Variants in SRSF7 observed in about 807,000 individuals in gnomAD.
SRSF7 encodes the protein serine/arginine-rich splicing factor 7.
SRSF7 carries 15 observed loss-of-function variants against 42.2 expected under a neutral mutation model. The ratio of observed to expected loss-of-function variants is 0.36; its 90% CI spans 0.24 to 0.55. The LOEUF (loss-of-function observed/expected upper bound fraction) is 0.55. Among genes scored for constraint, SRSF7 ranks in the 20% least tolerant of loss-of-function variants. The probability of loss-of-function intolerance (pLI) is 0.88; values close to 1 mark genes in which losing one functional copy is unlikely to be tolerated. For synonymous variants in SRSF7, 138 were observed against 107.9 expected, an observed-to-expected ratio of 1.28 and a Z score of -1.73; for missense variants, 181 against 305.9, an observed-to-expected ratio of 0.59 and a Z score of 3.04.
rs781184326 is a variant in SRSF7, at chr2:38,746,644, G to A, written c.626+50C>T. 6.2e-6 allele frequency: 10 copies of A among 1,604,442 alleles called. 1 individual carries two copies. Among genetic ancestry groups the A allele is most frequent in the Middle Eastern group, 3.3e-4 (2 of 6,006 alleles). ...CAATTAAAAACACTTTGAACTCTTT[G>A]GATATTGGTGCCATATAACTAGAAA... On this transcript the variant is annotated intron_variant, in intron 6 of 7. Transcript: ENST00000313117.
intron 2 of SRSF7, 38 bp downstream of exon 2, chr2:38,749,976 T>C (rs571934626): frequency 1.8e-5 from 28 of 1,568,856 alleles, no homozygotes; most frequent in Admixed American, 1.5e-4. Flanking sequence ...AGCCACAGTA[T>C]ATTTTAATGA....
At position 38,744,531 on chromosome 2, in the gene SRSF7, G is replaced by T; in HGVS notation, c.*602C>A. On this transcript the variant is annotated 3_prime_UTR_variant, in exon 8 of 8. Coordinates refer to ENST00000313117, the MANE Select transcript of SRSF7 (RefSeq NM_001031684.3). ...ATTTCTCATACATTTAATCAGTTTC[G>T]TTTAGTTCCTGTCATGCTCATTTAG... is the stretch of plus-strand genomic sequence containing the variant. 1 of 152,238 alleles carries T rather than the reference G, an allele frequency of 6.6e-6. No individual in the cohort carries two copies. The highest frequency in any genetic ancestry group is 1.5e-5 in the Non-Finnish European group (1 of 68,026). 9.4% of individuals were successfully genotyped at this position (152,238 alleles called of 1,614,324 possible).
At chr2:38,749,135 A>G in intron 3 of SRSF7, 1 of 1,317,424 alleles carries the variant, frequency 7.6e-7, no homozygotes, top group Non-Finnish European at 1.0e-6. Context: ...TGTAAGCCAA[A>G]TTTACTGTTA....
At position 38,749,694 on chromosome 2, in the gene SRSF7, C is replaced by A; in HGVS notation, c.221G>T (p.Gly74Val). The A allele has an allele frequency of 6.4e-7, 1 of 1,551,256 alleles. No individual in the cohort carries two copies. Among genetic ancestry groups the A allele is most frequent in the Non-Finnish European group, 8.7e-7 (1 of 1,155,446 alleles). The part of the protein sequence containing the change: ...VRGLDGKVIC[G>V]SRVRVELSTG... Reference sequence around the variant, plus strand: ...CGATAGTTCAACCCTCACTCGGGAGCCACAAATCACCCTAATAAAAGCAAA... The same window carrying A: ...CGATAGTTCAACCCTCACTCGGGAGACACAAATCACCCTAATAAAAGCAAA... Residue 74 changes from glycine (G) to valine (V), a missense_variant, in exon 3 of 8, where the codon GGC (glycine) becomes GTC (valine). Transcript: ENST00000313117.
chr2:38,750,755 T>A (rs1297632634), intron 1 of SRSF7: 1 of 162,384 alleles, frequency 6.2e-6, no homozygotes. Context: ...ATTTAACCGA[T>A]TGTTTGACGA....
intron 1 of SRSF7, 52 bp downstream of exon 1, chr2:38,751,177 C>T: frequency 6.2e-7 from 1 of 1,611,178 alleles, no homozygotes; most frequent in South Asian, 1.1e-5. Flanking sequence ...TACGGCCTCG[C>T]AGTGCTCACT....
At position 38,744,806 on chromosome 2, in the gene SRSF7, G is replaced by T; in HGVS notation, c.*327C>A. On this transcript the variant is annotated 3_prime_UTR_variant, in exon 8 of 8. Coordinates refer to ENST00000313117, the MANE Select transcript of SRSF7 (RefSeq NM_001031684.3). ...CAACACCTTTCAATTCTGAATGTAGGTATGTATGAATAAGGTTAACAATTA... is the reference window on the plus strand; with the variant it reads ...CAACACCTTTCAATTCTGAATGTAGTTATGTATGAATAAGGTTAACAATTA... 1 of 243,144 alleles carries T rather than the reference G, an allele frequency of 4.1e-6. No homozygotes were observed. The highest frequency in any genetic ancestry group is 7.9e-6 in the Non-Finnish European group (1 of 126,088). 15.1% of individuals were successfully genotyped at this position (243,144 alleles called of 1,614,324 possible). A position where few individuals can be genotyped will look rare whatever the true frequency, so the allele number is the denominator to read the frequency against.
In SRSF7 at chr2:38,750,212, T is replaced by G. The variant is rs760523736; in HGVS notation, c.29-18A>C. 2.5e-6 allele frequency: 4 copies of G among 1,582,076 alleles called. No individual in the cohort carries two copies. The highest frequency in any genetic ancestry group is 1.2e-5 in the South Asian group (1 of 86,144). ...CTTGGTTTCTGTTTAAAAACGCAAATAGAAGAATGCACGTTACGCAAAATC... is the reference window on the plus strand; with the variant it reads ...CTTGGTTTCTGTTTAAAAACGCAAAGAGAAGAATGCACGTTACGCAAAATC... On this transcript the variant is annotated intron_variant, in intron 1 of 7. Transcript: ENST00000313117.
exon 1 of SRSF7, chr2:38,751,352 GCGGCACTACGAGGAAGAGC>G: frequency 1.3e-6 from 2 of 1,567,804 alleles, no homozygotes; most frequent in Non-Finnish European, 1.8e-6. Flanking sequence ...AAGAGTCCCG[GCGGCACTACGAGGAAGAGC>G]CCGGGTTCGC....
At chr2:38,746,292 C>T in intron 6 of SRSF7, 113 bp from the exon 7 acceptor site, 1 of 1,216,976 alleles carries the variant, frequency 8.2e-7, no homozygotes, top group Non-Finnish European at 1.2e-6. Context: ...TCAGACTGCA[C>T]TTAAACTGAA....
chr2:38,746,123 G>C (rs138473338), intron 7 of SRSF7, 21 bp downstream of exon 7: 1 of 1,613,986 alleles, frequency 6.2e-7, no homozygotes, highest in Non-Finnish European at 8.5e-7. Context: ...GCAAGATTTG[G>C]CAACAAAACA....
Position 38,751,322 on chromosome 2 carries a change from GAC to G in SRSF7, c.-68_-67del. The G allele has an allele frequency of 6.2e-7, 1 of 1,608,878 alleles. No homozygotes were observed. The highest frequency in any genetic ancestry group is 2.2e-5 in the East Asian group (1 of 44,810). On this transcript the variant is annotated 5_prime_UTR_variant, in exon 1 of 8. Transcript: ENST00000313117. ...CCAGGGCTCGAGTGACGCAAAAGCT[GAC>G]ACACACCTTCACCCGCCAAGAGTCC... is the stretch of plus-strand genomic sequence containing the variant.
chr2:38,749,627 G>C lies in SRSF7; in HGVS notation c.288C>G (p.Ala96=). ...PRRSRFDRPP[A]RRPFDPNDRC... ...TATCATTTGGATCAAAGGGACGTCGGGCAGGTGGTCTATCAAAACGTGATC... is the reference window on the plus strand; with the variant it reads ...TATCATTTGGATCAAAGGGACGTCGCGCAGGTGGTCTATCAAAACGTGATC... Residue 96 remains alanine, a synonymous_variant, in exon 3 of 8, where the codon GCC becomes GCG. Coordinates refer to ENST00000313117, the MANE Select transcript of SRSF7 (RefSeq NM_001031684.3). 1.4e-5 allele frequency: 22 copies of C among 1,608,082 alleles called. No individual in the cohort carries two copies. The highest frequency in any genetic ancestry group is 1.7e-5 in the Admixed American group (1 of 58,078).
chr2:38,751,050 C>G (rs185905954), intron 1 of SRSF7, 179 bp downstream of exon 1: 6 of 726,460 alleles, frequency 8.3e-6, no homozygotes, highest in Non-Finnish European at 9.5e-6. Context: ...GAGATGTACA[C>G]CCGCCATCCC....
rs530803490 is a variant in SRSF7, at chr2:38,745,317, C to G, written c.663-130G>C. The G allele has an allele frequency of 6.6e-6, 6 of 907,376 alleles. No individual in the cohort carries two copies. In the East Asian group the frequency reaches 1.3e-4, roughly 19 times the overall value. The allele number at this position is 907,376 out of a possible 1,614,324, so 56.2% of individuals were successfully genotyped here. On this transcript the variant is annotated intron_variant, in intron 7 of 7. Coordinates refer to ENST00000313117, the MANE Select transcript of SRSF7 (RefSeq NM_001031684.3). ...TCCTATAGCAAAGACCTAAAAATGA[C>G]ATGAAACTTACATATATTCATCTTT...
At position 38,751,314 on chromosome 2, in the gene SRSF7, C is replaced by T; in HGVS notation, c.-58G>A. On this transcript the variant is annotated 5_prime_UTR_variant, in exon 1 of 8. Transcript: ENST00000313117. ...AGCAGCGCCCAGGGCTCGAGTGACG[C>T]AAAAGCTGACACACACCTTCACCCG... The T allele has an allele frequency of 6.2e-7, 1 of 1,611,964 alleles. No homozygotes were observed. The highest frequency in any genetic ancestry group is 8.5e-7 in the Non-Finnish European group (1 of 1,178,628).
At chr2:38,745,858 A>C (rs1276711301) in intron 7 of SRSF7, among the ~76,000 whole-genome samples, 1 of 152,310 alleles carries the variant, frequency 6.6e-6, no homozygotes, top group African/African-American at 2.4e-5. Flanking sequence ...TCTATTGTAC[A>C]TGTGGGGAAA....
At chr2:38,750,471 A>ACCTGG (rs1392726591) in intron 1 of SRSF7, among the ~76,000 whole-genome samples, 4 of 151,580 alleles carry the variant, frequency 2.6e-5, no homozygotes. Flanking sequence ...GTGGGGCGGA[A>ACCTGG]CCTGGCCCGG....
chr2:38,751,367 A>C, upstream of SRSF7: 1 of 1,480,540 alleles, frequency 6.8e-7, no homozygotes, highest in Non-Finnish European at 9.4e-7. Flanking sequence ...ACTACGAGGA[A>C]GAGCCCGGGT....
Sources: allele counts gnomAD v4.1 joint callset (sites outside exome capture counted in the v4.1 genomes callset), GRCh38; gene constraint gnomAD v4.1.1; transcripts MANE v1.5; gene names NCBI Gene and HGNC (gene_info 2026-07-23, HGNC 2026-07-21).